KCNT2: variants seen among roughly 807,000 people sequenced by gnomAD.
KCNT2 encodes potassium sodium-activated channel subfamily T member 2.
KCNT2 carries 67 observed loss-of-function variants against 153.8 expected under a neutral mutation model. That is an observed-to-expected ratio of 0.44 (90% CI 0.36 to 0.53). The LOEUF is 0.53. KCNT2 is among the 20% of genes least tolerant of loss of function. KCNT2 has a pLI of 0.00. For missense variants in KCNT2, 975 were observed against 1,354.8 expected (o/e 0.72, Z 4.40); for synonymous variants, 500 against 458.8 (o/e 1.09, Z -1.15).
chr1:196,465,481 C>T (rs1272049117), intron 7 of KCNT2, 94 bp from the exon 8 acceptor site: 10 of 733,196 alleles, frequency 1.4e-5, no homozygotes, highest in Non-Finnish European at 2.5e-5. Flanking sequence ...CATGTCAACT[C>T]TCCTGTACAC....
At chr1:196,423,570 A>G (rs1462609242) in intron 11 of KCNT2, among the ~76,000 whole-genome samples, 10 of 151,636 alleles carry the variant, frequency 6.6e-5, no homozygotes. Flanking sequence ...ATCTTTTTCC[A>G]AGCCCCTTCC....
chr1:196,322,280 G>A (rs561917402), intron 19 of KCNT2, among the ~76,000 whole-genome samples: 1 of 151,672 alleles, frequency 6.6e-6, no homozygotes, highest in Admixed American at 6.6e-5. Flanking sequence ...TCGAAAAATT[G>A]TTACTTATAC....
intron 13 of KCNT2, among the ~76,000 whole-genome samples, chr1:196,387,067 G>A (rs997649034): frequency 4.0e-5 from 6 of 151,766 alleles, no homozygotes; most frequent in African/African-American, 1.5e-4. Context: ...ATTTTATCAT[G>A]GTATTAATTA....
chr1:196,580,432 A>G (rs1380534956), intron 1 of KCNT2, among the ~76,000 whole-genome samples: 1 of 152,162 alleles, frequency 6.6e-6, no homozygotes, highest in African/African-American at 2.4e-5. Context: ...CCCCACAGGT[A>G]CACTGTCTGA....
intron 22 of KCNT2, among the ~76,000 whole-genome samples, chr1:196,296,431 A>G (rs1019630368): frequency 4.6e-5 from 7 of 152,026 alleles, no homozygotes; most frequent in African/African-American, 1.7e-4. Flanking sequence ...TACGGAGACT[A>G]TAATTTTAGA....
chr1:196,414,577 T>C (rs1672601807), intron 12 of KCNT2, among the ~76,000 whole-genome samples: 1 of 151,872 alleles, frequency 6.6e-6, no homozygotes, highest in Non-Finnish European at 1.5e-5. Context: ...GTTGTTGTTG[T>C]TTGTTGTTGT....
intron 1 of KCNT2, among the ~76,000 whole-genome samples, chr1:196,507,341 A>G (rs994784995): frequency 2.1e-4 from 32 of 152,334 alleles, no homozygotes; most frequent in Non-Finnish European, 2.4e-4. Flanking sequence ...TGCTCTTTCA[A>G]TGCAGTGCTG....
chr1:196,251,345 G>GT (rs990094592), intron 26 of KCNT2, among the ~76,000 whole-genome samples: 4 of 151,874 alleles, frequency 2.6e-5, no homozygotes, highest in African/African-American at 4.8e-5. Context: ...TTCATAAAGT[G>GT]TTTTTTTCCT....
chr1:196,505,143 A>T (rs576925025), intron 1 of KCNT2, among the ~76,000 whole-genome samples: 4 of 152,112 alleles, frequency 2.6e-5, no homozygotes, highest in Non-Finnish European at 5.9e-5. Context: ...GGTGTTGTAG[A>T]CATGAAGTCC....
At chr1:196,469,163 G>A (rs12746984) in intron 5 of KCNT2, 95 bp from the exon 6 acceptor site, 12,412 of 701,092 alleles carry the variant, frequency 0.018, 132 homozygotes, top group Non-Finnish European at 0.025. Context: ...TAGCAATAAG[G>A]ATGCTTCCAT....
chr1:196,495,464 T>A (rs1680179486), intron 1 of KCNT2, among the ~76,000 whole-genome samples: 1 of 152,124 alleles, frequency 6.6e-6, no homozygotes, highest in African/African-American at 2.4e-5. Flanking sequence ...TTTTCAAGTT[T>A]AAACTGGTTT....
At chr1:196,368,763 T>C (rs1460107435) in intron 14 of KCNT2, among the ~76,000 whole-genome samples, 1 of 152,152 alleles carries the variant, frequency 6.6e-6, no homozygotes, top group African/African-American at 2.4e-5. Flanking sequence ...TTGTCATTTC[T>C]CCCAAATCCC....
Position 196,548,688 on chromosome 1 carries a change from A to G in KCNT2, c.96-56347T>C, listed in dbSNP as rs575700032. 4.5e-3 allele frequency among the ~76,000 whole-genome samples: 692 copies of G among 152,232 alleles called. 2 individuals carry two copies. Among genetic ancestry groups the G allele is most frequent in the Middle Eastern group, 0.044 (13 of 294 alleles). On this transcript the variant is annotated intron_variant, in intron 1 of 27. Coordinates refer to ENST00000294725, the MANE Select transcript of KCNT2 (RefSeq NM_198503.5). ...CCAAAGGACTATAAATCATGCTGCT[A>G]TAAAGACACATGCACACGTATGTTT...
chr1:196,469,205 A>G (rs529695283), intron 5 of KCNT2, 137 bp from the exon 6 acceptor site: 1 of 546,170 alleles, frequency 1.8e-6, no homozygotes, highest in Admixed American at 3.1e-5. Context: ...ATAGAGATGT[A>G]GCAATGACTT....
At chr1:196,387,929 C>CTTTTTTTT (rs1171819729) in intron 13 of KCNT2, among the ~76,000 whole-genome samples, 1 of 130,662 alleles carries the variant, frequency 7.7e-6, no homozygotes. Context: ...GCCAATTTTT[C>CTTTTTTTT]TTTTTTTTTT....
intron 17 of KCNT2, among the ~76,000 whole-genome samples, chr1:196,331,779 C>A (rs1393539021): frequency 6.6e-6 from 1 of 151,944 alleles, no homozygotes; most frequent in Non-Finnish European, 1.5e-5. Context: ...ACATTTAAGG[C>A]AAAATGCATT....
intron 12 of KCNT2, among the ~76,000 whole-genome samples, chr1:196,411,150 C>T (rs1037979229): frequency 2.8e-5 from 4 of 145,212 alleles, no homozygotes; most frequent in African/African-American, 1.0e-4. Flanking sequence ...CCCTTCCTTC[C>T]TTCTTTTTTT....
chr1:196,592,915 AT>A (rs1663557279), intron 1 of KCNT2, among the ~76,000 whole-genome samples: 3 of 150,376 alleles, frequency 2.0e-5, no homozygotes, highest in Non-Finnish European at 3.0e-5. Context: ...TAATAAATTA[AT>A]TTAATAAAAT....
At chr1:196,459,003 G>T (rs1171165488) in intron 8 of KCNT2, among the ~76,000 whole-genome samples, 1 of 151,688 alleles carries the variant, frequency 6.6e-6, no homozygotes, top group Non-Finnish European at 1.5e-5. Flanking sequence ...CAATTAAATT[G>T]TCCCAAATAA....
Sources: gnomAD v4.1 joint callset for allele counts (sites outside exome capture counted in the v4.1 genomes callset) on GRCh38, gnomAD v4.1.1 for gene constraint, MANE v1.5 for transcripts, NCBI Gene and HGNC (gene_info 2026-07-23, HGNC 2026-07-21) for gene names.